The following AGBL4 variants were observed in gnomAD, a reference collection of about 807,000 sequenced individuals.
The protein encoded by AGBL4 is cytosolic carboxypeptidase 6.
AGBL4 carries 58 observed loss-of-function variants against 66.4 expected under a neutral mutation model. The observed-to-expected ratio is 0.87, with a 90% CI of 0.71 to 1.09. The LOEUF (loss-of-function observed/expected upper bound fraction) is 1.09. Ranked by LOEUF, AGBL4 falls within the 50% of genes least tolerant of loss-of-function variation. The pLI, the probability that AGBL4 is intolerant of heterozygous loss-of-function variation, is 0.00. For synonymous variants in AGBL4, 234 were observed against 222.9 expected (o/e 1.05, Z -0.44); for missense variants, 579 against 631.0 (o/e 0.92, Z 0.88).
At chr1:49,774,722 C>T (rs567541722) in intron 2 of AGBL4, among the ~76,000 whole-genome samples, 1 of 152,106 alleles carries the variant, frequency 6.6e-6, no homozygotes, top group Admixed American at 6.5e-5. Flanking sequence ...CATTTGATTA[C>T]AAGTGAAGAC....
chr1:49,250,272 G>T (rs1288313704), intron 3 of AGBL4, among the ~76,000 whole-genome samples: 1 of 151,996 alleles, frequency 6.6e-6, no homozygotes, highest in Non-Finnish European at 1.5e-5. Flanking sequence ...GGGCAAAATG[G>T]CTGACTAGAC....
Position 49,162,758 on chromosome 1 carries a change from T to C in AGBL4, c.377+83012A>G, listed in dbSNP as rs77228617. 8.2e-3 allele frequency among the ~76,000 whole-genome samples: 1,243 copies of C among 152,322 alleles called. 10 individuals are homozygous for C. Among genetic ancestry groups the C allele is most frequent in the Non-Finnish European group, 0.013 (900 of 68,032 alleles). ...CAGGTCCCTTAACCTTTCTGAGTTT[T>C]GGTTTTCTCCTCTGTAATGTGGAAA... On this transcript the variant is annotated intron_variant, in intron 4 of 13. Transcript: ENST00000371839.
intron 3 of AGBL4, among the ~76,000 whole-genome samples, chr1:49,571,396 A>G (rs1279950856): frequency 1.3e-5 from 2 of 152,056 alleles, no homozygotes. Flanking sequence ...GGTGTATAGA[A>G]ATGCTACTTC....
intron 6 of AGBL4, among the ~76,000 whole-genome samples, chr1:48,665,739 G>A (rs2148459765): frequency 6.6e-6 from 1 of 151,714 alleles, no homozygotes; most frequent in South Asian, 2.1e-4. Context: ...TGGAAACTGA[G>A]CCGCTGTCTT....
chr1:48,711,967 G>A (rs554410228), intron 6 of AGBL4, among the ~76,000 whole-genome samples: 2 of 152,180 alleles, frequency 1.3e-5, no homozygotes, highest in African/African-American at 4.8e-5. Context: ...TGAGGATGTG[G>A]CTCCCATTTT....
intron 2 of AGBL4, among the ~76,000 whole-genome samples, chr1:49,732,535 G>A (rs1302179195): frequency 6.6e-6 from 1 of 152,088 alleles, no homozygotes; most frequent in African/African-American, 2.4e-5. Context: ...AATAAATTAT[G>A]ATAAATACTA....
At chr1:49,470,707 G>A (rs1260690692) in intron 3 of AGBL4, among the ~76,000 whole-genome samples, 2 of 151,974 alleles carry the variant, frequency 1.3e-5, no homozygotes, top group East Asian at 1.9e-4. Flanking sequence ...CTGACGACCT[G>A]GAAGTTATCA....
intron 2 of AGBL4, among the ~76,000 whole-genome samples, chr1:49,737,395 G>C (rs1649986449): frequency 6.6e-6 from 1 of 152,196 alleles, no homozygotes; most frequent in Non-Finnish European, 1.5e-5. Flanking sequence ...CATGGATGCA[G>C]CTGGAGGCCA....
At chr1:48,524,641 A>G in the AGBL4 span, among the ~76,000 whole-genome samples, 8 of 152,238 alleles carry the variant, frequency 5.3e-5, no homozygotes, top group Non-Finnish European at 1.0e-4. Context: ...ATGTAAAAAA[A>G]TCTGCTTAGA....
chr1:49,474,995 G>A (rs1646818676), intron 3 of AGBL4, among the ~76,000 whole-genome samples: 1 of 151,954 alleles, frequency 6.6e-6, no homozygotes, highest in Admixed American at 6.6e-5. Context: ...TGGTGAAAGT[G>A]GACATTATTG....
intron 3 of AGBL4, among the ~76,000 whole-genome samples, chr1:49,363,444 C>G (rs1340224116): frequency 6.6e-6 from 1 of 152,184 alleles, no homozygotes; most frequent in East Asian, 1.9e-4. Flanking sequence ...ATTAATGATA[C>G]TTGCACAGAT....
chr1:48,841,566 C>T (rs1473177257), intron 6 of AGBL4, among the ~76,000 whole-genome samples: 1 of 151,984 alleles, frequency 6.6e-6, no homozygotes, highest in African/African-American at 2.4e-5. Context: ...CCCTCCAACC[C>T]CCCACCTTAT....
chr1:49,711,765 C>A (rs1647684775), intron 2 of AGBL4, among the ~76,000 whole-genome samples: 3 of 152,010 alleles, frequency 2.0e-5, no homozygotes. Flanking sequence ...TTATACCTCT[C>A]CACTATCTCA....
chr1:49,634,879 G>A (rs907762957), intron 3 of AGBL4, among the ~76,000 whole-genome samples: 1 of 152,148 alleles, frequency 6.6e-6, no homozygotes, highest in African/African-American at 2.4e-5. Context: ...ATGAGAAGAG[G>A]CTACTTAAAT....
chr1:49,713,636 A>G (rs1234283237), intron 2 of AGBL4, among the ~76,000 whole-genome samples: 1 of 152,016 alleles, frequency 6.6e-6, no homozygotes, highest in Non-Finnish European at 1.5e-5. Flanking sequence ...ACATACATAA[A>G]CAGATTTTGT....
chr1:48,994,107 TC>T (rs1351859419), intron 5 of AGBL4, among the ~76,000 whole-genome samples: 1 of 152,268 alleles, frequency 6.6e-6, no homozygotes, highest in East Asian at 1.9e-4. Context: ...TGATTCTAAT[TC>T]ACCTCTCCAC....
At position 48,776,576 on chromosome 1, in the gene AGBL4, C is replaced by A; in HGVS notation, c.634+90615G>T. On this transcript the variant is annotated intron_variant, in intron 6 of 13. Transcript: ENST00000371839. ...CCGGGGTCCCAGCCCCCGCCCGGGT[C>A]CCACCGTCCCTCCCCGCCCGCTTGC... 7.1e-6 allele frequency: 8 copies of A among 1,122,998 alleles called. No homozygotes were observed. In the South Asian group the frequency reaches 8.9e-5, roughly 13 times the overall value. The allele number at this position is 1,122,998 out of a possible 1,614,324, so 69.6% of individuals were successfully genotyped here.
At chr1:48,801,518 G>A (rs1472789707) in intron 6 of AGBL4, among the ~76,000 whole-genome samples, 1 of 152,212 alleles carries the variant, frequency 6.6e-6, no homozygotes, top group African/African-American at 2.4e-5. Context: ...TGGAGACTGA[G>A]AGTGCCTACA....
rs1654414113 is a variant in AGBL4, at chr1:48,925,040, GAGAAGTA to G, written c.595-57817_595-57811del. On this transcript the variant is annotated intron_variant, in intron 5 of 13. Coordinates refer to ENST00000371839, the MANE Select transcript of AGBL4 (RefSeq NM_032785.4). ...TAGCTGCTACTGCCTAGCATCAAGA[GAGAAGTA>G]AGGTTTTTACTAAATGCGTATTGCT... Among the ~76,000 whole-genome samples, 4 of 152,176 alleles carry G rather than the reference GAGAAGTA, an allele frequency of 2.6e-5. No individual in the cohort carries two copies. In the South Asian group the frequency reaches 8.3e-4, roughly 32 times the overall value.
Sources: allele counts gnomAD v4.1 joint callset (sites outside exome capture counted in the v4.1 genomes callset), GRCh38; gene constraint gnomAD v4.1.1; transcripts MANE v1.5; gene names NCBI Gene and HGNC (gene_info 2026-07-23, HGNC 2026-07-21).